FRMPD4: variants seen among roughly 807,000 people sequenced by gnomAD.
The protein encoded by FRMPD4 is FERM and PDZ domain-containing protein 4.
FRMPD4 carries 22 observed loss-of-function variants against 94.1 expected under a neutral mutation model. The ratio of observed to expected loss-of-function variants is 0.23; its 90% confidence interval spans 0.17 to 0.33. FRMPD4 has a LOEUF of 0.33. Ranked by LOEUF, FRMPD4 falls within the 10% of genes least tolerant of loss-of-function variation. The probability of loss-of-function intolerance (pLI) is 1.00; values close to 1 mark genes in which losing one functional copy is unlikely to be tolerated. For missense variants in FRMPD4, 1,111 were observed against 1,339.9 expected, an observed-to-expected ratio of 0.83 and a Z score of 2.67; for synonymous variants, 631 against 548.6, an observed-to-expected ratio of 1.15 and a Z score of -2.10.
chrX:12,282,450 T>C (rs1213276529), intron 1 of FRMPD4, among the ~76,000 whole-genome samples: 1 of 112,602 alleles, frequency 8.9e-6, no homozygotes, highest in African/African-American at 3.2e-5. Flanking sequence ...AGTTGTAAAA[T>C]ATAATTTTAA....
rs185392057 is a variant in FRMPD4, at chrX:11,951,880, C to A, written c.95+73862C>A. ...AAAATCCCGTCTCTAACAACAACAA[C>A]AAAAAATTAGCCTGGTGTGGTGGCA... On this transcript the variant is annotated intron_variant, in intron 3 of 18. Transcript: ENST00000640291. Among the ~76,000 whole-genome samples, 268 of 111,151 alleles carry A rather than the reference C, an allele frequency of 2.4e-3. 1 individual carries two copies. Among genetic ancestry groups the A allele is most frequent in the African/African-American group, 7.6e-3 (232 of 30,599 alleles).
At chrX:11,827,669 G>T (rs747370075) in intron 1 of FRMPD4, among the ~76,000 whole-genome samples, 2 of 111,749 alleles carry the variant, frequency 1.8e-5, no homozygotes, top group Non-Finnish European at 3.8e-5. Flanking sequence ...GCGTTTAAGG[G>T]AATCAAAAAG....
chrX:11,878,806 C>T (rs1251632469), intron 3 of FRMPD4, among the ~76,000 whole-genome samples: 1 of 111,658 alleles, frequency 9.0e-6, no homozygotes, highest in African/African-American at 3.3e-5. Flanking sequence ...TATTATAAGA[C>T]CCTTATAAAT....
At chrX:12,100,238 T>C (rs1327695198) in intron 3 of FRMPD4, among the ~76,000 whole-genome samples, 1 of 112,191 alleles carries the variant, frequency 8.9e-6, no homozygotes, top group Non-Finnish European at 1.9e-5. Flanking sequence ...TACTCCTTTC[T>C]AGACCCAACA....
chrX:12,541,522 C>T (rs1483175389), intron 2 of FRMPD4, among the ~76,000 whole-genome samples: 2 of 111,639 alleles, frequency 1.8e-5, no homozygotes, highest in African/African-American at 6.5e-5. Flanking sequence ...CACACACATC[C>T]TCCCAAGACT....
intron 3 of FRMPD4, among the ~76,000 whole-genome samples, chrX:12,118,043 C>A (rs934800343): frequency 9.0e-5 from 10 of 111,218 alleles, no homozygotes; most frequent in African/African-American, 3.3e-4. Context: ...AACATACATA[C>A]AATGGTTAGG....
intron 1 of FRMPD4, among the ~76,000 whole-genome samples, chrX:12,489,566 A>G (rs867339404): frequency 8.2e-4 from 92 of 112,092 alleles, no homozygotes; most frequent in African/African-American, 2.9e-3. Flanking sequence ...AAATTAGATT[A>G]GGCCATTTGG....
At position 12,455,240 on chromosome X, in the gene FRMPD4, G is replaced by A. The variant is rs977647767; in HGVS notation, c.42-43440G>A. Among the ~76,000 whole-genome samples the A allele has an allele frequency of 5.4e-4, 60 of 111,347 alleles. 1 individual carries two copies. The highest frequency in any genetic ancestry group is 1.9e-3 in the African/African-American group (58 of 30,729). ...GTGCTTCTTCCACTAACAGAATGTC[G>A]CCTGACAGGGTTAGACACGTTTTCA... On this transcript the variant is annotated intron_variant, in intron 1 of 16. Transcript: ENST00000675598.
chrX:12,227,824 GGAGAGAGAGAGA>G, intron 1 of FRMPD4, among the ~76,000 whole-genome samples: 1 of 94,591 alleles, frequency 1.1e-5, no homozygotes, highest in East Asian at 3.4e-4. Context: ...AGAAAGAGAG[GGAGAGAGAGAGA>G]GAGAGAGAGA....
intron 3 of FRMPD4, among the ~76,000 whole-genome samples, chrX:12,051,852 A>C (rs951254465): frequency 1.8e-5 from 2 of 111,424 alleles, no homozygotes; most frequent in Middle Eastern, 4.2e-3. Flanking sequence ...CCTTTCCTAC[A>C]AGTCTAGAAG....
chrX:12,053,032 A>G (rs1339551698), intron 3 of FRMPD4, among the ~76,000 whole-genome samples: 1 of 110,915 alleles, frequency 9.0e-6, no homozygotes, highest in African/African-American at 3.3e-5. Context: ...ATTCTTGTGA[A>G]ACACTGTTAA....
intron 1 of FRMPD4, among the ~76,000 whole-genome samples, chrX:12,183,652 T>C (rs1291870063): frequency 9.0e-6 from 1 of 111,455 alleles, no homozygotes; most frequent in African/African-American, 3.3e-5. Context: ...TGCTTAGCTT[T>C]GGTTACTTTT....
chrX:12,475,865 TA>T (rs1461886572), intron 1 of FRMPD4, among the ~76,000 whole-genome samples: 1 of 111,310 alleles, frequency 9.0e-6, no homozygotes, highest in Non-Finnish European at 1.9e-5. Flanking sequence ...GAAGAATCAA[TA>T]TTGTGAAAAT....
At chrX:12,141,007 C>G (rs1055186261) in intron 1 of FRMPD4, among the ~76,000 whole-genome samples, 1 of 111,517 alleles carries the variant, frequency 9.0e-6, no homozygotes, top group Admixed American at 9.5e-5. Context: ...AGTGTGAGCC[C>G]GAGGATGGTC....
intron 3 of FRMPD4, among the ~76,000 whole-genome samples, chrX:11,958,508 A>G (rs959168588): frequency 8.9e-6 from 1 of 112,009 alleles, no homozygotes; most frequent in South Asian, 3.7e-4. Context: ...GCAGAGGACA[A>G]GTCCTTATCA....
chrX:12,551,612 T>C (rs1411294054), intron 2 of FRMPD4, among the ~76,000 whole-genome samples: 1 of 111,570 alleles, frequency 9.0e-6, no homozygotes, highest in Non-Finnish European at 1.9e-5. Flanking sequence ...ATTTGGTTTG[T>C]TCTGTAGGTT....
chrX:11,831,657 C>T (rs1190250945), intron 1 of FRMPD4, among the ~76,000 whole-genome samples: 3 of 110,717 alleles, frequency 2.7e-5, no homozygotes, highest in East Asian at 2.8e-4. Context: ...GGGTAGGGAT[C>T]GGGCTTTGGG....
intron 8 of FRMPD4, 89 bp from the exon 9 acceptor site, chrX:12,694,246 T>A: frequency 6.2e-6 from 4 of 640,659 alleles, no homozygotes. Context: ...CTTTCCTTAG[T>A]GTCCAAAAAA....
At position 12,275,684 on chromosome X, in the gene FRMPD4, G is replaced by A. The variant is rs184725594; in HGVS notation, c.41+136672G>A. ...TGTGTCAGATGCAGGACAGAGGGTGGAAGTGAGAAGGGAGGATCCTCCATG... is the reference window on the plus strand; with the variant it reads ...TGTGTCAGATGCAGGACAGAGGGTGAAAGTGAGAAGGGAGGATCCTCCATG... On this transcript the variant is annotated intron_variant, in intron 1 of 16. Transcript: ENST00000675598. 4.2e-3 allele frequency among the ~76,000 whole-genome samples: 459 copies of A among 109,837 alleles called. 2 individuals carry two copies. The highest frequency in any genetic ancestry group is 0.014 in the African/African-American group (428 of 30,138).
Sources: gnomAD v4.1 joint callset for allele counts (sites outside exome capture counted in the v4.1 genomes callset) on GRCh38, gnomAD v4.1.1 for gene constraint, MANE v1.5 for transcripts, NCBI Gene and HGNC (gene_info 2026-07-23, HGNC 2026-07-21) for gene names.